The following STK33 variants were observed in gnomAD, a reference collection of about 807,000 sequenced individuals.
STK33 encodes the protein serine/threonine kinase 33.
In STK33, 52 loss-of-function variants were observed where a neutral mutation model predicts 58.0. The observed-to-expected ratio is 0.90, with a 90% CI of 0.72 to 1.13. The LOEUF (loss-of-function observed/expected upper bound fraction) is 1.13. Among genes scored for constraint, STK33 ranks in the 50% most tolerant of loss-of-function variants. The probability of loss-of-function intolerance (pLI) is 0.00; values close to 1 mark genes in which losing one functional copy is unlikely to be tolerated. For synonymous variants in STK33, 215 were observed against 200.1 expected, an observed-to-expected ratio of 1.07 and a Z score of -0.63; for missense variants, 630 against 604.2, an observed-to-expected ratio of 1.04 and a Z score of -0.45.
the STK33 span, among the ~76,000 whole-genome samples, chr11:8,372,578 C>T: frequency 7.2e-5 from 11 of 152,236 alleles, no homozygotes; most frequent in Admixed American, 2.6e-4. Flanking sequence ...GAACCTTTGG[C>T]GCTTAGACTT....
At chr11:8,497,291 C>T (rs962686551) in intron 1 of STK33, among the ~76,000 whole-genome samples, 2 of 152,096 alleles carry the variant, frequency 1.3e-5, no homozygotes, top group African/African-American at 4.8e-5. Flanking sequence ...AAAGATCATA[C>T]ATAGACACAT....
chr11:8,403,992 A>C (rs1938614282), intron 15 of STK33, among the ~76,000 whole-genome samples: 1 of 152,224 alleles, frequency 6.6e-6, no homozygotes, highest in Non-Finnish European at 1.5e-5. Flanking sequence ...CATAGCAACA[A>C]TTTCTAGAGT....
intron 1 of STK33, among the ~76,000 whole-genome samples, chr11:8,527,033 A>G (rs538399315): frequency 1.1e-4 from 16 of 149,530 alleles, no homozygotes; most frequent in African/African-American, 3.2e-4. Context: ...GTGCAATGAC[A>G]TAATCTCGGC....
At chr11:8,369,325 GTGTGTGTA>G in the STK33 span, among the ~76,000 whole-genome samples, 1 of 149,724 alleles carries the variant, frequency 6.7e-6, no homozygotes, top group African/African-American at 2.5e-5. Context: ...GTGTGTGTGT[GTGTGTGTA>G]TAATCAGAAA....
At chr11:8,388,216 A>G (rs576912893), downstream of STK33, among the ~76,000 whole-genome samples, 5 of 152,286 alleles carry the variant, frequency 3.3e-5, no homozygotes, top group South Asian at 1.0e-3. Context: ...CAAAAGTCCT[A>G]TTAATCTTCC....
intron 6 of STK33, among the ~76,000 whole-genome samples, chr11:8,467,966 A>G (rs529733120): frequency 1.4e-3 from 215 of 152,088 alleles, no homozygotes; most frequent in African/African-American, 5.0e-3. Flanking sequence ...AGTCACTTCT[A>G]CATTTGTGGG....
At chr11:8,391,242 A>C (rs1053082314), downstream of STK33, among the ~76,000 whole-genome samples, 1 of 152,216 alleles carries the variant, frequency 6.6e-6, no homozygotes, top group African/African-American at 2.4e-5. Flanking sequence ...AGACATCAAG[A>C]AGGGAGAAAG....
At chr11:8,419,503 A>G (rs1213452730) in intron 14 of STK33, among the ~76,000 whole-genome samples, 1 of 152,094 alleles carries the variant, frequency 6.6e-6, no homozygotes, top group Non-Finnish European at 1.5e-5. Context: ...TATAGTTTGA[A>G]GTTGGGTAGC....
At chr11:8,398,994 T>G (rs561531097) in intron 15 of STK33, among the ~76,000 whole-genome samples, 1 of 152,252 alleles carries the variant, frequency 6.6e-6, no homozygotes, top group African/African-American at 2.4e-5. Context: ...ACAAAGAGAC[T>G]TAGACTCCAA....
the STK33 span, among the ~76,000 whole-genome samples, chr11:8,355,755 T>C: frequency 6.6e-6 from 1 of 152,210 alleles, no homozygotes; most frequent in Non-Finnish European, 1.5e-5. Flanking sequence ...ATACTAATAC[T>C]ATCCACTGAG....
chr11:8,560,215 C>G (rs1013051741), intron 1 of STK33, among the ~76,000 whole-genome samples: 1 of 152,100 alleles, frequency 6.6e-6, no homozygotes, highest in African/African-American at 2.4e-5. Context: ...AAATGTCAGA[C>G]TGCCCTCAAG....
At chr11:8,497,589 G>T (rs1289177366) in intron 1 of STK33, among the ~76,000 whole-genome samples, 1 of 152,148 alleles carries the variant, frequency 6.6e-6, no homozygotes, top group East Asian at 1.9e-4. Flanking sequence ...TCCCACCTCA[G>T]CCTCCTGAGT....
At chr11:8,376,719 T>C in the STK33 span, among the ~76,000 whole-genome samples, 4 of 151,958 alleles carry the variant, frequency 2.6e-5, no homozygotes, top group East Asian at 7.8e-4. Flanking sequence ...TTTTTTGTAT[T>C]TTTAGTAGAG....
At chr11:8,422,184 G>A (rs980100804) in intron 14 of STK33, among the ~76,000 whole-genome samples, 1 of 152,020 alleles carries the variant, frequency 6.6e-6, no homozygotes, top group African/African-American at 2.4e-5. Flanking sequence ...ATGAATACAT[G>A]TTGAGTCTTA....
chr11:8,425,709 A>G (rs948134792), intron 14 of STK33, among the ~76,000 whole-genome samples: 1 of 152,154 alleles, frequency 6.6e-6, no homozygotes, highest in Non-Finnish European at 1.5e-5. Flanking sequence ...CAATTAGACA[A>G]TATACCTTTA....
At chr11:8,582,299 G>A (rs765549619) in intron 1 of STK33, among the ~76,000 whole-genome samples, 11 of 152,182 alleles carry the variant, frequency 7.2e-5, no homozygotes, top group African/African-American at 2.7e-4. Flanking sequence ...ACTAAAAAGT[G>A]TAATTCTCAA....
intron 1 of STK33, among the ~76,000 whole-genome samples, chr11:8,584,735 A>G (rs532147032): frequency 6.6e-6 from 1 of 152,262 alleles, no homozygotes; most frequent in South Asian, 2.1e-4. Context: ...GCCAGGGCAA[A>G]CAGGAGATAG....
At chr11:8,412,387 T>C (rs1016994150) in intron 15 of STK33, among the ~76,000 whole-genome samples, 1 of 152,244 alleles carries the variant, frequency 6.6e-6, no homozygotes. Flanking sequence ...AAAAATATTA[T>C]AATCTCAAAA....
chr11:8,481,543 G>A (rs1350158936), intron 1 of STK33, among the ~76,000 whole-genome samples: 3 of 152,176 alleles, frequency 2.0e-5, no homozygotes, highest in African/African-American at 7.2e-5. Context: ...ACAATGACCT[G>A]ACATGTAAAA....
Sources: gnomAD v4.1 joint callset for allele counts (sites outside exome capture counted in the v4.1 genomes callset) on GRCh38, gnomAD v4.1.1 for gene constraint, MANE v1.5 for transcripts, NCBI Gene and HGNC (gene_info 2026-07-23, HGNC 2026-07-21) for gene names.